GAP43: variants seen among roughly 807,000 people sequenced by gnomAD.
GAP43 encodes the protein growth associated protein 43.
In GAP43, 6 loss-of-function variants were observed where a neutral mutation model predicts 18.6. The observed-to-expected ratio is 0.32, with a 90% confidence interval of 0.18 to 0.64. The LOEUF is 0.64. Ranked by LOEUF, GAP43 falls within the 30% of genes least tolerant of loss-of-function variation. The pLI is 0.78. For synonymous variants in GAP43, 115 were observed against 111.4 expected (o/e 1.03, Z -0.20); for missense variants, 292 against 295.5 (o/e 0.99, Z 0.09).
intron 2 of GAP43, among the ~76,000 whole-genome samples, chr3:115,688,470 A>G (rs1031662911): frequency 2.0e-5 from 3 of 152,136 alleles, no homozygotes; most frequent in Admixed American, 6.5e-5. Context: ...AACTCTATCT[A>G]TACAATTTTG....
chr3:115,638,525 T>TA (rs1279309598), intron 1 of GAP43, among the ~76,000 whole-genome samples: 1 of 148,978 alleles, frequency 6.7e-6, no homozygotes, highest in Non-Finnish European at 1.5e-5. Flanking sequence ...TTTTTTTTTT[T>TA]ATCTTTTTGG....
chr3:115,668,013 G>A (rs12632276), intron 1 of GAP43, among the ~76,000 whole-genome samples: 7,617 of 152,254 alleles, frequency 0.05, 578 homozygotes, highest in East Asian at 0.38. Context: ...ATGTGCTTCT[G>A]TAATGGGCAG....
At chr3:115,645,246 G>A (rs141666667) in intron 1 of GAP43, among the ~76,000 whole-genome samples, 21 of 151,866 alleles carry the variant, frequency 1.4e-4, no homozygotes, top group Admixed American at 3.9e-4. Flanking sequence ...ATTATTTTCC[G>A]TGACATCCTT....
intron 2 of GAP43, among the ~76,000 whole-genome samples, chr3:115,710,845 T>A (rs1231463212): frequency 6.6e-6 from 1 of 152,196 alleles, no homozygotes; most frequent in African/African-American, 2.4e-5. Flanking sequence ...CATAGCCTAT[T>A]TTTTTTCCTT....
At chr3:115,714,724 C>A (rs529028232) in intron 2 of GAP43, among the ~76,000 whole-genome samples, 11 of 147,962 alleles carry the variant, frequency 7.4e-5, no homozygotes, top group Admixed American at 1.4e-4. Flanking sequence ...TTTTTTTAGA[C>A]ACATTCGGTT....
At chr3:115,659,276 G>T (rs538625731) in intron 1 of GAP43, among the ~76,000 whole-genome samples, 1 of 152,244 alleles carries the variant, frequency 6.6e-6, no homozygotes, top group South Asian at 2.1e-4. Context: ...GGCCTTTCAT[G>T]ATTATTACTA....
intron 1 of GAP43, among the ~76,000 whole-genome samples, chr3:115,636,044 G>A (rs997029601): frequency 6.6e-6 from 1 of 151,978 alleles, no homozygotes; most frequent in African/African-American, 2.4e-5. Flanking sequence ...GCTCAACCTG[G>A]ATATATAGTA....
At chr3:115,635,411 G>C (rs565965470) in intron 1 of GAP43, among the ~76,000 whole-genome samples, 2 of 152,204 alleles carry the variant, frequency 1.3e-5, no homozygotes, top group African/African-American at 4.8e-5. Flanking sequence ...CTAAGGACAA[G>C]AGTTCCTTGC....
At chr3:115,679,254 G>T (rs1469086242) in intron 2 of GAP43, among the ~76,000 whole-genome samples, 4 of 152,042 alleles carry the variant, frequency 2.6e-5, no homozygotes, top group Admixed American at 2.6e-4. Context: ...TGAATATCAG[G>T]CTTAAAAATT....
intron 2 of GAP43, among the ~76,000 whole-genome samples, chr3:115,689,150 C>G (rs1489551650): frequency 1.3e-5 from 2 of 152,238 alleles, no homozygotes; most frequent in Non-Finnish European, 2.9e-5. Flanking sequence ...TCAGACAAGT[C>G]TTCCCTGACC....
At chr3:115,680,980 G>A (rs537359580) in intron 2 of GAP43, among the ~76,000 whole-genome samples, 6 of 152,102 alleles carry the variant, frequency 3.9e-5, no homozygotes, top group Non-Finnish European at 7.4e-5. Flanking sequence ...AGGGTGCCTC[G>A]TGAGCGGCTT....
At chr3:115,687,418 T>C (rs1174126717) in intron 2 of GAP43, among the ~76,000 whole-genome samples, 1 of 151,754 alleles carries the variant, frequency 6.6e-6, no homozygotes, top group Non-Finnish European at 1.5e-5. Flanking sequence ...GTGAGTAACT[T>C]CTAAACATGG....
At chr3:115,654,130 G>A (rs1181218117) in intron 1 of GAP43, among the ~76,000 whole-genome samples, 1 of 152,110 alleles carries the variant, frequency 6.6e-6, no homozygotes, top group East Asian at 1.9e-4. Flanking sequence ...CTGCTGTGGT[G>A]TAAAAAATAC....
At chr3:115,624,775 T>C (rs892501820) in intron 1 of GAP43, among the ~76,000 whole-genome samples, 5 of 151,980 alleles carry the variant, frequency 3.3e-5, no homozygotes, top group African/African-American at 1.2e-4. Context: ...GACCATGCCA[T>C]GGCAGTCTCC....
chr3:115,628,235 C>G (rs551251288), intron 1 of GAP43, among the ~76,000 whole-genome samples: 7 of 152,004 alleles, frequency 4.6e-5, no homozygotes, highest in African/African-American at 1.4e-4. Context: ...TGCTCCTCCC[C>G]CCGTGTTTTC....
chr3:115,690,494 T>G (rs1419514543), intron 2 of GAP43, among the ~76,000 whole-genome samples: 1 of 152,190 alleles, frequency 6.6e-6, no homozygotes, highest in East Asian at 1.9e-4. Context: ...CTCAGGTTCC[T>G]CACTGCATGG....
At chr3:115,647,762 A>AC (rs946512967) in intron 1 of GAP43, among the ~76,000 whole-genome samples, 1 of 140,064 alleles carries the variant, frequency 7.1e-6, no homozygotes, top group African/African-American at 2.7e-5. Context: ...AAAAAACAAA[A>AC]AAAAAAAACG....
At chr3:115,627,094 G>GA (rs781354657) in intron 1 of GAP43, among the ~76,000 whole-genome samples, 2 of 146,094 alleles carry the variant, frequency 1.4e-5, no homozygotes, top group African/African-American at 5.0e-5. Flanking sequence ...AATTTAAACA[G>GA]AAAAAATATT....
At chr3:115,718,895 G>T (rs1422362232) in intron 2 of GAP43, among the ~76,000 whole-genome samples, 2 of 152,152 alleles carry the variant, frequency 1.3e-5, no homozygotes, top group Non-Finnish European at 1.5e-5. Context: ...GGGTATAAAT[G>T]TTCAGCTTCA....
Sources: allele counts gnomAD v4.1 joint callset (sites outside exome capture counted in the v4.1 genomes callset), GRCh38; gene constraint gnomAD v4.1.1; transcripts MANE v1.5; gene names NCBI Gene and HGNC (gene_info 2026-07-23, HGNC 2026-07-21).